The following HCLS1 variants were observed in gnomAD, a reference collection of about 807,000 sequenced individuals.
HCLS1 encodes hematopoietic cell-specific Lyn substrate 1.
In HCLS1, 44 loss-of-function variants were observed where a neutral mutation model predicts 68.6. The ratio of observed to expected loss-of-function variants is 0.64; its 90% confidence interval spans 0.50 to 0.82. The LOEUF is 0.82. Among genes scored for constraint, HCLS1 ranks in the 40% least tolerant of loss-of-function variants. The pLI, the probability that HCLS1 is intolerant of heterozygous loss-of-function variation, is 0.00. For synonymous variants in HCLS1, 217 were observed against 225.8 expected (o/e 0.96, Z 0.35); for missense variants, 602 against 612.1 (o/e 0.98, Z 0.17).
intron 6 of HCLS1, among the ~76,000 whole-genome samples, chr3:121,637,908 C>A (rs964765305): frequency 7.3e-5 from 11 of 151,382 alleles, no homozygotes; most frequent in Admixed American, 1.3e-4. Context: ...TGCACTCCAG[C>A]CTGGGTGACA....
At chr3:121,649,792 T>C (rs1329502984) in intron 3 of HCLS1, among the ~76,000 whole-genome samples, 2 of 152,250 alleles carry the variant, frequency 1.3e-5, no homozygotes, top group African/African-American at 2.4e-5. Context: ...CAATGCAGTT[T>C]ATGTGAACCA....
intron 6 of HCLS1, among the ~76,000 whole-genome samples, chr3:121,638,567 A>G (rs1398952509): frequency 1.3e-5 from 2 of 152,196 alleles, no homozygotes; most frequent in Non-Finnish European, 2.9e-5. Context: ...GATAGGGGGA[A>G]AATTTGCTTA....
Position 121,647,389 on chromosome 3 carries a change from A to G in HCLS1, c.218T>C (p.Met73Thr). ...ATGGGATGCTTTGGGCCCTGACTCC[A>G]TCTCTTTCTTCCTGAGAACATCATG... ...EEHDVLRKKE[M>T]ESGPKASHGY... The change falls in exon 4 of 14, where the codon ATG becomes ACG. Residue 73 changes from methionine (M) to threonine (T), a missense_variant. By Grantham distance (81) the Met-to-Thr change is moderately conservative. Transcript: ENST00000314583. 1.2e-6 allele frequency: 2 copies of G among 1,613,984 alleles called. No homozygotes were observed. The highest frequency in any genetic ancestry group is 1.7e-6 in the Non-Finnish European group (2 of 1,179,944).
intron 1 of HCLS1, among the ~76,000 whole-genome samples, chr3:121,660,417 C>T (rs1937965974): frequency 4.6e-5 from 7 of 152,170 alleles, no homozygotes; most frequent in Admixed American, 3.3e-4. Context: ...TGACTACTTC[C>T]TGATCTGTTA....
intron 1 of HCLS1, among the ~76,000 whole-genome samples, chr3:121,659,411 C>T (rs1191635930): frequency 1.3e-5 from 2 of 152,162 alleles, no homozygotes; most frequent in African/African-American, 2.4e-5. Flanking sequence ...ACACCTCATC[C>T]CATTGGAGAC....
intron 6 of HCLS1, among the ~76,000 whole-genome samples, chr3:121,641,926 A>G (rs112823146): frequency 6.6e-6 from 1 of 151,286 alleles, no homozygotes; most frequent in Admixed American, 6.6e-5. Flanking sequence ...CTAAAAATAC[A>G]AAAATTAGCC....
Position 121,631,950 on chromosome 3 carries a change from C to A in HCLS1, c.1357G>T (p.Asp453Tyr). ...ACCATCTCAATGTCAGTGATTACGT[C>A]GTCCGGATCAAAGGAAAGCTCATCA... ...GSDELSFDPD[D>Y]VITDIEMVDE... Residue 453 changes from aspartate (D) to tyrosine (Y), a missense_variant, in exon 14 of 14, where the codon GAC (aspartate) becomes TAC (tyrosine). Physicochemically the swap from Asp to Tyr is radical, Grantham distance 160. Transcript: ENST00000314583. 1.2e-6 allele frequency: 2 copies of A among 1,614,200 alleles called. No individual in the cohort carries two copies. The highest frequency in any genetic ancestry group is 1.7e-6 in the Non-Finnish European group (2 of 1,180,034).
Position 121,637,313 on chromosome 3 carries a change from GC to G in HCLS1, c.455-58del, listed in dbSNP as rs2049159499. The G allele has an allele frequency of 1.4e-5, 17 of 1,190,110 alleles. No individual in the cohort carries two copies. The South Asian group carries it at 1.9e-4, about 14-fold the overall frequency. 73.7% of individuals were successfully genotyped at this position (1,190,110 alleles called of 1,614,324 possible). On this transcript the variant is annotated intron_variant, in intron 6 of 13. Coordinates refer to ENST00000314583, the MANE Select transcript of HCLS1 (RefSeq NM_005335.6). ...CCCTTAGGCTCCAGCACACAGGGAA[GC>G]GCTGGAGAAGAGAGGTCAGCAGGAA...
rs1368377348 is a variant in HCLS1 at position 121,633,247 on chromosome 3, G to T, written c.904-76C>A. The T allele has an allele frequency of 1.5e-5, 14 of 934,576 alleles. No homozygotes were observed. In the South Asian group the frequency reaches 2.0e-4, roughly 13 times the overall value. The allele number at this position is 934,576 out of a possible 1,614,324, so 57.9% of individuals were successfully genotyped here. ...TTTTTTTTTTTTGAGATAGACTCTCGCTCTGTAGCCCAGGCTGGAGTGCAG... is the reference window on the plus strand; with the variant it reads ...TTTTTTTTTTTTGAGATAGACTCTCTCTCTGTAGCCCAGGCTGGAGTGCAG... On this transcript the variant is annotated intron_variant, in intron 10 of 13. Transcript: ENST00000314583.
rs2049144616 is a variant in HCLS1 at position 121,635,760 on chromosome 3, A to T, written c.666T>A (p.Tyr222Ter). ...CGGCTTCTATGGGCGTCGTCTTCTT[A>T]TAAGCTGTGGTCGGGGCCTCCATTT... ...FNEMEAPTTA[Y>*]KKTTPIEAAS... Residue 222 changes from tyrosine (Y) to a stop codon, truncating the protein, a stop_gained, in exon 9 of 14, where the codon TAT becomes TAA. Transcript: ENST00000314583. LOFTEE classifies it high-confidence loss of function. 1 of 1,614,042 alleles carries T rather than the reference A, an allele frequency of 6.2e-7. No homozygotes were observed. Among genetic ancestry groups the T allele is most frequent in the Admixed American group, 1.7e-5 (1 of 60,012 alleles).
rs2049097697 is a variant in HCLS1, at chr3:121,631,583, T to C, written c.*263A>G. On this transcript the variant is annotated 3_prime_UTR_variant, in exon 14 of 14. Coordinates refer to ENST00000314583, the MANE Select transcript of HCLS1 (RefSeq NM_005335.6). ...GCTCACAGAGGAGGAGAGCAGAGCTTGGGGTGGCAGAGAGGTGTTCATTGG... is the reference window on the plus strand; with the variant it reads ...GCTCACAGAGGAGGAGAGCAGAGCTCGGGGTGGCAGAGAGGTGTTCATTGG... The C allele has an allele frequency of 2.3e-6, 1 of 428,554 alleles. No homozygotes were observed. The highest frequency in any genetic ancestry group is 4.2e-6 in the Non-Finnish European group (1 of 236,712). The allele number at this position is 428,554 out of a possible 1,614,324, so 26.5% of individuals were successfully genotyped here.
intron 1 of HCLS1, among the ~76,000 whole-genome samples, chr3:121,658,712 C>T (rs1056811356): frequency 6.6e-6 from 1 of 152,234 alleles, no homozygotes; most frequent in Non-Finnish European, 1.5e-5. Flanking sequence ...ATGAGCGGTG[C>T]TATAATATCC....
intron 6 of HCLS1, 73 bp downstream of exon 6, chr3:121,642,854 C>T (rs2049213508): frequency 8.7e-7 from 1 of 1,154,328 alleles, no homozygotes; most frequent in Non-Finnish European, 1.3e-6. Flanking sequence ...ATGACAACTG[C>T]TGGAAGATAA....
Position 121,646,259 on chromosome 3 carries a change from TA to T in HCLS1, c.288+1059del, listed in dbSNP as rs1168794410. ...TATATATTTTATATATATTTATAAATAAAAATATATAATATATATTATATTT... is the reference window on the plus strand; with the variant it reads ...TATATATTTTATATATATTTATAAATAAAATATATAATATATATTATATTT... On this transcript the variant is annotated intron_variant, in intron 4 of 13. Coordinates refer to ENST00000314583, the MANE Select transcript of HCLS1 (RefSeq NM_005335.6). Among the ~76,000 whole-genome samples, 12 of 108,004 alleles carry T rather than the reference TA, an allele frequency of 1.1e-4. No individual in the cohort carries two copies. In the East Asian group the frequency reaches 1.6e-3, roughly 14 times the overall value. 70.9% of individuals were successfully genotyped at this position (108,004 alleles called of 152,430 possible). A position where few individuals can be genotyped will look rare whatever the true frequency, so the allele number is the denominator to read the frequency against.
intron 10 of HCLS1, among the ~76,000 whole-genome samples, chr3:121,633,935 C>G (rs887156209): frequency 1.9e-4 from 29 of 152,350 alleles, no homozygotes; most frequent in African/African-American, 7.0e-4. Context: ...CCTGAAGTGA[C>G]GGCCCCTTCC....
chr3:121,648,691 C>T (rs764260871), intron 3 of HCLS1, among the ~76,000 whole-genome samples: 10 of 152,184 alleles, frequency 6.6e-5, no homozygotes, highest in Non-Finnish European at 1.2e-4. Flanking sequence ...CATCTGGTGG[C>T]CTTTAGTGGA....
At chr3:121,640,453 T>G (rs2049186753) in intron 6 of HCLS1, among the ~76,000 whole-genome samples, 1 of 152,042 alleles carries the variant, frequency 6.6e-6, no homozygotes, top group Non-Finnish European at 1.5e-5. Flanking sequence ...GAACGCAGAT[T>G]AGTCAGAAGA....
chr3:121,643,142 C>A, intron 5 of HCLS1, 161 bp from the exon 6 acceptor site: 1 of 603,134 alleles, frequency 1.7e-6, no homozygotes, highest in African/African-American at 1.8e-5. Flanking sequence ...ACACAGGATA[C>A]TACAGAGCAA....
chr3:121,637,256 T>C lies in HCLS1; in HGVS notation c.455A>G (p.Asp152Gly), dbSNP rs768592550. ...GEVEKHTSQK[D>G]YSRGFGGRYG... ...CCGGCCACCAAAGCCACGAGAGTAA[T>C]CTGTGGTCGAAGGAGCAGTCATGAG... is the stretch of plus-strand genomic sequence containing the variant. The change falls in exon 7 of 14, where the codon GAT becomes GGT. Residue 152 changes from aspartate (D) to glycine (G), a missense_variant and splice_region_variant. By Grantham distance (94) the Asp-to-Gly change is moderately conservative (BLOSUM62 -1). Coordinates refer to ENST00000314583, the MANE Select transcript of HCLS1 (RefSeq NM_005335.6). The C allele has an allele frequency of 2.5e-6, 4 of 1,610,148 alleles. No individual in the cohort carries two copies. Among genetic ancestry groups the C allele is most frequent in the Non-Finnish European group, 3.4e-6 (4 of 1,176,512 alleles).
Sources: allele counts gnomAD v4.1 joint callset (sites outside exome capture counted in the v4.1 genomes callset), GRCh38; gene constraint gnomAD v4.1.1; transcripts MANE v1.5; gene names NCBI Gene and HGNC (gene_info 2026-07-23, HGNC 2026-07-21).